Variants in MBNL2 observed in about 807,000 individuals in gnomAD.
The protein encoded by MBNL2 is muscleblind like splicing regulator 2.
Under a neutral mutation model 41.9 loss-of-function variants are expected in MBNL2, and 17 were observed. The ratio of observed to expected loss-of-function variants is 0.41; its 90% CI spans 0.28 to 0.61. The LOEUF (loss-of-function observed/expected upper bound fraction) is 0.61. MBNL2 is among the 20% of genes least tolerant of loss of function. The pLI, the probability that MBNL2 is intolerant of heterozygous loss-of-function variation, is 0.35. For missense variants in MBNL2, 336 were observed against 505.6 expected, an observed-to-expected ratio of 0.66 and a Z score of 3.22; for synonymous variants, 195 against 182.9, an observed-to-expected ratio of 1.07 and a Z score of -0.53.
chr13:97,243,183 A>G (rs1193727878), intron 1 of MBNL2, among the ~76,000 whole-genome samples: 1 of 152,224 alleles, frequency 6.6e-6, no homozygotes, highest in Non-Finnish European at 1.5e-5. Flanking sequence ...TCCCTTGAAC[A>G]TATCAAGTTC....
intron 2 of MBNL2, among the ~76,000 whole-genome samples, chr13:97,299,593 T>C (rs2057405331): frequency 6.6e-6 from 1 of 152,184 alleles, no homozygotes; most frequent in South Asian, 2.1e-4. Context: ...TTACATGAAC[T>C]ATGATTCATT....
chr13:97,201,153 A>C, the MBNL2 span, among the ~76,000 whole-genome samples: 1 of 152,192 alleles, frequency 6.6e-6, no homozygotes, highest in Non-Finnish European at 1.5e-5. Flanking sequence ...ATGATCTATC[A>C]CTTTCTTCTT....
chr13:97,330,868 G>A (rs938740279), intron 2 of MBNL2, among the ~76,000 whole-genome samples: 8 of 152,216 alleles, frequency 5.3e-5, no homozygotes, highest in Middle Eastern at 3.4e-3. Context: ...TAGAGTCTCC[G>A]AGGGTTTGAA....
At chr13:97,217,946 G>T (rs1421316654), upstream of MBNL2, among the ~76,000 whole-genome samples, 1 of 152,138 alleles carries the variant, frequency 6.6e-6, no homozygotes, top group Non-Finnish European at 1.5e-5. Context: ...GGGACCATTT[G>T]GTTGTTGGTG....
chr13:97,384,755 T>C (rs1446217987), intron 8 of MBNL2, among the ~76,000 whole-genome samples: 1 of 152,172 alleles, frequency 6.6e-6, no homozygotes, highest in Non-Finnish European at 1.5e-5. Flanking sequence ...AAAGAGGCAG[T>C]GAAATATTAT....
chr13:97,381,843 TATTA>T (rs554978886), intron 8 of MBNL2, among the ~76,000 whole-genome samples: 119 of 151,860 alleles, frequency 7.8e-4, no homozygotes, highest in African/African-American at 2.3e-3. Flanking sequence ...TTACATATTA[TATTA>T]ATTAATATTA....
intron 2 of MBNL2, among the ~76,000 whole-genome samples, chr13:97,328,032 G>C (rs182806536): frequency 1.3e-5 from 2 of 152,200 alleles, no homozygotes; most frequent in African/African-American, 4.8e-5. Flanking sequence ...TTGAAAGTCC[G>C]TGAGGCAGAA....
intron 1 of MBNL2, among the ~76,000 whole-genome samples, chr13:97,226,221 G>A (rs1018608839): frequency 4.6e-5 from 7 of 152,138 alleles, no homozygotes; most frequent in African/African-American, 9.7e-5. Context: ...GAAAGGTAAG[G>A]CCTAAGGGTT....
chr13:97,391,452 A>G lies in MBNL2; in HGVS notation c.*3A>G, dbSNP rs558877345. 19 of 1,115,916 alleles carry G rather than the reference A, an allele frequency of 1.7e-5. No individual in the cohort carries two copies. The African/African-American group carries it at 2.6e-4, about 15-fold the overall frequency. 69.1% of individuals were successfully genotyped at this position (1,115,916 alleles called of 1,614,324 possible). A position where few individuals can be genotyped will look rare whatever the true frequency, so the allele number is the denominator to read the frequency against. On this transcript the variant is annotated 3_prime_UTR_variant, in exon 9 of 9. Transcript: ENST00000679496. ...AATTGCCACAAACTGCATGCTAAATAAAGATGTAGTTCTTCTGGACAGACC... is the reference window on the plus strand; with the variant it reads ...AATTGCCACAAACTGCATGCTAAATGAAGATGTAGTTCTTCTGGACAGACC...
chr13:97,270,328 C>A (rs1681181278), intron 1 of MBNL2, among the ~76,000 whole-genome samples: 1 of 152,096 alleles, frequency 6.6e-6, no homozygotes, highest in Non-Finnish European at 1.5e-5. Context: ...AACTATGAAA[C>A]AATCTTAATA....
intron 5 of MBNL2, among the ~76,000 whole-genome samples, chr13:97,351,658 C>T (rs1418997570): frequency 6.6e-6 from 1 of 152,218 alleles, no homozygotes; most frequent in Non-Finnish European, 1.5e-5. Context: ...CTGCTAGCTT[C>T]CAACTTTTCT....
chr13:97,261,297 C>A (rs527578359), intron 1 of MBNL2, among the ~76,000 whole-genome samples: 1 of 152,272 alleles, frequency 6.6e-6, no homozygotes, highest in Non-Finnish European at 1.5e-5. Flanking sequence ...CACACTCACA[C>A]ACATGCACAC....
At chr13:97,307,433 C>T (rs1258004480) in intron 2 of MBNL2, among the ~76,000 whole-genome samples, 1 of 151,456 alleles carries the variant, frequency 6.6e-6, no homozygotes, top group Non-Finnish European at 1.5e-5. Context: ...CCCTAGACTC[C>T]ACCAAAACCA....
rs112178995 is a variant in MBNL2, at chr13:97,390,793, G to A, written c.1049-529G>A. ...ATACCTTGAATTTGAACTGGTTGTC[G>A]TTATGTGTTGGGAACAAAATTACTT... On this transcript the variant is annotated intron_variant, in intron 8 of 8. Transcript: ENST00000679496. Among the ~76,000 whole-genome samples the A allele has an allele frequency of 4.1e-4, 62 of 152,176 alleles. 2 individuals carry two copies. The highest frequency in any genetic ancestry group is 3.4e-3 in the Middle Eastern group (1 of 294).
At chr13:97,229,753 G>A (rs2042129979) in intron 1 of MBNL2, among the ~76,000 whole-genome samples, 1 of 152,044 alleles carries the variant, frequency 6.6e-6, no homozygotes, top group African/African-American at 2.4e-5. Flanking sequence ...GAGCTGAAGG[G>A]CCCTGTGGAA....
At chr13:97,328,498 T>A (rs2060102961) in intron 2 of MBNL2, among the ~76,000 whole-genome samples, 1 of 152,208 alleles carries the variant, frequency 6.6e-6, no homozygotes, top group Non-Finnish European at 1.5e-5. Context: ...ATCATGCACC[T>A]ACAGCAGCAA....
At chr13:97,152,173 G>A in the MBNL2 span, among the ~76,000 whole-genome samples, 2 of 152,066 alleles carry the variant, frequency 1.3e-5, no homozygotes, top group Admixed American at 1.3e-4. Flanking sequence ...CTTGTAAAAG[G>A]AATCTAGAGA....
the MBNL2 span, among the ~76,000 whole-genome samples, chr13:97,170,884 G>A: frequency 2.0e-5 from 3 of 152,112 alleles, no homozygotes; most frequent in Non-Finnish European, 2.9e-5. Context: ...TTTTGAGAAG[G>A]CTTATTATCA....
intron 1 of MBNL2, among the ~76,000 whole-genome samples, chr13:97,258,265 T>C (rs2047941795): frequency 6.6e-6 from 1 of 152,158 alleles, no homozygotes; most frequent in Non-Finnish European, 1.5e-5. Context: ...AAATATTTGT[T>C]GTTGATTTCA....
Sources: allele counts gnomAD v4.1 joint callset (sites outside exome capture counted in the v4.1 genomes callset), GRCh38; gene constraint gnomAD v4.1.1; transcripts MANE v1.5; gene names NCBI Gene and HGNC (gene_info 2026-07-23, HGNC 2026-07-21).